The following FERMT2 variants were observed in gnomAD, a reference collection of about 807,000 sequenced individuals.
FERMT2 encodes FERM domain containing kindlin 2.
A neutral mutation model predicts 82.7 loss-of-function variants in FERMT2; 15 were observed. The observed-to-expected ratio is 0.18, with a 90% CI of 0.12 to 0.28. FERMT2 has a LOEUF of 0.28. FERMT2 is among the 10% of genes least tolerant of loss of function. FERMT2 has a pLI of 1.00. For missense variants in FERMT2, 645 were observed against 809.4 expected (o/e 0.80, Z 2.46); for synonymous variants, 274 against 271.5 (o/e 1.01, Z -0.09).
At chr14:52,930,266 A>C (rs909080820) in intron 2 of FERMT2, among the ~76,000 whole-genome samples, 1 of 152,210 alleles carries the variant, frequency 6.6e-6, no homozygotes, top group Non-Finnish European at 1.5e-5. Flanking sequence ...TTCTTTGCTC[A>C]AGACAATCTC....
chr14:52,876,814 C>A (rs938476838), intron 7 of FERMT2, among the ~76,000 whole-genome samples: 1 of 152,158 alleles, frequency 6.6e-6, no homozygotes, highest in African/African-American at 2.4e-5. Context: ...CTCCTCCTCA[C>A]CATACTTTCA....
chr14:52,915,663 A>C (rs1888575899), intron 3 of FERMT2, among the ~76,000 whole-genome samples: 1 of 152,260 alleles, frequency 6.6e-6, no homozygotes, highest in Non-Finnish European at 1.5e-5. Context: ...AAACTCTAAG[A>C]GTACTAGCAG....
chr14:52,873,751 A>G (rs936488890), intron 9 of FERMT2: 1 of 154,276 alleles, frequency 6.5e-6, no homozygotes, highest in Admixed American at 6.5e-5. Flanking sequence ...AATCTTGATC[A>G]GATATACTAG....
At chr14:52,946,462 G>C (rs1026723253) in intron 2 of FERMT2, among the ~76,000 whole-genome samples, 1 of 151,800 alleles carries the variant, frequency 6.6e-6, no homozygotes, top group Non-Finnish European at 1.5e-5. Flanking sequence ...AGACCAGCCT[G>C]GGCAACAAAG....
intron 3 of FERMT2, among the ~76,000 whole-genome samples, chr14:52,896,203 AG>A (rs1448695521): frequency 1.7e-4 from 26 of 152,344 alleles, no homozygotes; most frequent in African/African-American, 6.3e-4. Flanking sequence ...ATTGTTATGC[AG>A]CACGTGACTG....
At chr14:52,936,389 T>C (rs560833984) in intron 2 of FERMT2, among the ~76,000 whole-genome samples, 19 of 152,360 alleles carry the variant, frequency 1.2e-4, no homozygotes, top group African/African-American at 4.6e-4. Context: ...TTATTTTATA[T>C]GAAACTGATG....
At chr14:52,913,295 C>T (rs535825143) in intron 3 of FERMT2, among the ~76,000 whole-genome samples, 7 of 152,210 alleles carry the variant, frequency 4.6e-5, no homozygotes, top group African/African-American at 1.2e-4. Context: ...ACATTGCAAA[C>T]ACAAAATTCT....
chr14:52,933,850 C>G (rs1239433110), intron 2 of FERMT2, among the ~76,000 whole-genome samples: 90 of 151,954 alleles, frequency 5.9e-4, no homozygotes, highest in African/African-American at 2.0e-3. Context: ...GTAGCTCTTA[C>G]CACACCCAGA....
At chr14:52,945,200 C>T (rs1055558276) in intron 2 of FERMT2, among the ~76,000 whole-genome samples, 9 of 151,930 alleles carry the variant, frequency 5.9e-5, no homozygotes, top group African/African-American at 9.7e-5. Flanking sequence ...CGTAAGTTAC[C>T]GCACCCAGCC....
At chr14:52,950,363 T>A (rs771476673) in intron 2 of FERMT2, 49 bp downstream of exon 2, 16 of 1,570,826 alleles carry the variant, frequency 1.0e-5, no homozygotes, top group African/African-American at 2.7e-5. Flanking sequence ...TTCCTCCCCC[T>A]ACCAATTCTG....
At chr14:52,866,865 T>G (rs1202577747) in intron 10 of FERMT2, among the ~76,000 whole-genome samples, 1 of 152,154 alleles carries the variant, frequency 6.6e-6, no homozygotes. Flanking sequence ...GCATCCCTCA[T>G]CCTCCAGCTT....
rs74957625 is a variant in FERMT2, at chr14:52,860,352, G to C, written c.1716C>G (p.His572Gln). 1 of 1,613,906 alleles carries C rather than the reference G, an allele frequency of 6.2e-7. No homozygotes were observed. Among genetic ancestry groups the C allele is most frequent in the East Asian group, 2.2e-5 (1 of 44,854 alleles). ...WQSLPEFGITHFIARFQGGKK... is the reference protein window; with the variant it reads ...WQSLPEFGITQFIARFQGGKK... ...TTAGAACCACTGACCTTGCAATGAA[G>C]TGAGTGATGCCAAATTCAGGTAGTG... Residue 572 changes from histidine (H) to glutamine (Q), a missense_variant, in exon 13 of 15, where the codon CAC (histidine) becomes CAG (glutamine). Physicochemically the swap from His to Gln is conservative, Grantham distance 24. Transcript: ENST00000341590.
chr14:52,864,834 A>G lies in FERMT2; in HGVS notation c.1293T>C (p.Asp431=), dbSNP rs1310265781. Residue 431 remains aspartate (D), a synonymous_variant, in exon 11 of 15, where the codon GAT becomes GAC. Transcript: ENST00000341590. ...TAAATTTTTGGCCTGAAATGTTTAC[A>G]TCTGGGGTAACTTCACATCCTGTAA... ...MNLRGCEVTP[D]VNISGQKFNI... is the part of the protein sequence containing the mutation. The G allele has an allele frequency of 8.7e-6, 14 of 1,607,720 alleles. No individual in the cohort carries two copies. The highest frequency in any genetic ancestry group is 1.1e-5 in the Non-Finnish European group (13 of 1,175,302).
chr14:52,887,851 C>T (rs1171823153), intron 4 of FERMT2, among the ~76,000 whole-genome samples: 2 of 151,936 alleles, frequency 1.3e-5, no homozygotes, highest in Non-Finnish European at 2.9e-5. Context: ...CTTTATTTAA[C>T]TAAAAGGTTA....
At chr14:52,892,175 T>G (rs1886976950) in intron 4 of FERMT2, among the ~76,000 whole-genome samples, 3 of 149,278 alleles carry the variant, frequency 2.0e-5, no homozygotes, top group East Asian at 2.0e-4. Flanking sequence ...TGTTTTTTTT[T>G]TTTTTTTTTT....
chr14:52,892,612 G>A (rs1229217656), intron 4 of FERMT2, among the ~76,000 whole-genome samples: 1 of 151,738 alleles, frequency 6.6e-6, no homozygotes, highest in Non-Finnish European at 1.5e-5. Flanking sequence ...GTGCCACCAC[G>A]TCCAGCTAAT....
chr14:52,925,473 G>A (rs910028893), intron 2 of FERMT2, among the ~76,000 whole-genome samples: 1 of 151,330 alleles, frequency 6.6e-6, no homozygotes, highest in Admixed American at 6.6e-5. Context: ...GCAGGAGAAT[G>A]GCTTGCACCC....
intron 1 of FERMT2, 167 bp downstream of exon 1, chr14:52,950,753 GC>G: frequency 1.8e-6 from 1 of 559,624 alleles, no homozygotes; most frequent in Non-Finnish European, 3.1e-6. Flanking sequence ...CGCCCCGCTC[GC>G]CCCGCAGCGT....
At position 52,864,841 on chromosome 14, in the gene FERMT2, G is replaced by T. The variant is rs1441761617; in HGVS notation, c.1286C>A (p.Thr429Asn). The stretch of plus-strand genomic sequence containing the variant: ...TTGGCCTGAAATGTTTACATCTGGG[G>T]TAACTTCACATCCTGTAACAAAAAA... Reference protein sequence around the residue: ...HQMNLRGCEVTPDVNISGQKF... With the variant: ...HQMNLRGCEVNPDVNISGQKF... Residue 429 changes from threonine to asparagine, a missense_variant, in exon 11 of 15, where the codon ACC becomes AAC. Thr to Asn is a moderately conservative substitution (Grantham distance 65). Coordinates refer to ENST00000341590, the MANE Select transcript of FERMT2 (RefSeq NM_006832.3). 6.2e-7 allele frequency: 1 copy of T among 1,602,572 alleles called. No individual in the cohort carries two copies. Among genetic ancestry groups the T allele is most frequent in the African/African-American group, 1.3e-5 (1 of 74,590 alleles).
Sources: allele counts gnomAD v4.1 joint callset (sites outside exome capture counted in the v4.1 genomes callset), GRCh38; gene constraint gnomAD v4.1.1; transcripts MANE v1.5; gene names NCBI Gene and HGNC (gene_info 2026-07-23, HGNC 2026-07-21).